The following VPS13B variants were observed in gnomAD, a reference collection of about 807,000 sequenced individuals.
VPS13B encodes the protein intermembrane lipid transfer protein VPS13B.
In VPS13B, 285 loss-of-function variants were observed where a neutral mutation model predicts 426.4. The observed-to-expected ratio is 0.67, with a 90% CI of 0.61 to 0.74. VPS13B has a LOEUF of 0.74. Among genes scored for constraint, VPS13B ranks in the 30% least tolerant of loss-of-function variants. The pLI is 0.00. For missense variants in VPS13B, 4,537 were observed against 4,782.6 expected (o/e 0.95, Z 1.51); for synonymous variants, 1,676 against 1,676.4 (o/e 1.00, Z 0.01).
At chr8:99,065,589 C>T (rs1014134704) in intron 3 of VPS13B, among the ~76,000 whole-genome samples, 38 of 152,196 alleles carry the variant, frequency 2.5e-4, no homozygotes, top group African/African-American at 7.5e-4. Context: ...CTTTGAAAAC[C>T]GGCACAACAC....
intron 7 of VPS13B, among the ~76,000 whole-genome samples, chr8:99,119,809 TATAG>T (rs1186040635): frequency 2.0e-5 from 3 of 152,136 alleles, no homozygotes; most frequent in Non-Finnish European, 2.9e-5. Flanking sequence ...TATGTGTATT[TATAG>T]ATTTATCAAT....
intron 39 of VPS13B, among the ~76,000 whole-genome samples, chr8:99,734,672 T>C (rs1833747855): frequency 6.6e-6 from 1 of 152,128 alleles, no homozygotes; most frequent in African/African-American, 2.4e-5. Flanking sequence ...CCATGACCAA[T>C]TACAGAGGAA....
chr8:99,400,543 C>T (rs1269989374), intron 21 of VPS13B, among the ~76,000 whole-genome samples: 1 of 152,162 alleles, frequency 6.6e-6, no homozygotes, highest in African/African-American at 2.4e-5. Context: ...ATATGTATCA[C>T]TATTTAATGT....
At chr8:99,515,164 A>G (rs908524870) in intron 29 of VPS13B, among the ~76,000 whole-genome samples, 4 of 152,256 alleles carry the variant, frequency 2.6e-5, no homozygotes, top group Non-Finnish European at 4.4e-5. Context: ...GAAGAGGAAA[A>G]AAAAGAACAA....
At chr8:99,254,576 A>T (rs573274288) in intron 17 of VPS13B, among the ~76,000 whole-genome samples, 5 of 151,794 alleles carry the variant, frequency 3.3e-5, no homozygotes, top group African/African-American at 1.2e-4. Flanking sequence ...TTTGTCAAAT[A>T]TGGGAAGTTA....
At chr8:99,338,981 T>C (rs995963873) in intron 19 of VPS13B, among the ~76,000 whole-genome samples, 1 of 152,216 alleles carries the variant, frequency 6.6e-6, no homozygotes, top group African/African-American at 2.4e-5. Flanking sequence ...AATTTTTTAA[T>C]TTCCTCATGA....
chr8:99,392,495 C>T (rs527266576), intron 21 of VPS13B, among the ~76,000 whole-genome samples: 48 of 151,942 alleles, frequency 3.2e-4, no homozygotes, highest in African/African-American at 1.2e-3. Context: ...CAGATATTCC[C>T]AACCACATTG....
At chr8:99,064,597 A>G (rs1169277371) in intron 3 of VPS13B, among the ~76,000 whole-genome samples, 3 of 152,376 alleles carry the variant, frequency 2.0e-5, no homozygotes, top group Non-Finnish European at 2.9e-5. Flanking sequence ...TTCATGAAAT[A>G]TGGGACTATG....
intron 43 of VPS13B, among the ~76,000 whole-genome samples, chr8:99,798,067 T>C (rs1812942302): frequency 6.6e-6 from 1 of 152,088 alleles, no homozygotes; most frequent in Non-Finnish European, 1.5e-5. Context: ...TTAAGATAGC[T>C]AAAATCAACA....
chr8:99,530,372 T>C (rs1304457396), intron 30 of VPS13B, among the ~76,000 whole-genome samples: 1 of 152,104 alleles, frequency 6.6e-6, no homozygotes, highest in Non-Finnish European at 1.5e-5. Context: ...CCCAGCACTT[T>C]GGGAGGCCAA....
intron 17 of VPS13B, among the ~76,000 whole-genome samples, chr8:99,263,847 G>A (rs1462825646): frequency 6.6e-6 from 1 of 152,070 alleles, no homozygotes; most frequent in Admixed American, 6.6e-5. Context: ...CCATTATTCT[G>A]TCTGTCATAG....
At chr8:99,655,448 T>G (rs1453710451) in intron 34 of VPS13B, among the ~76,000 whole-genome samples, 1 of 152,228 alleles carries the variant, frequency 6.6e-6, no homozygotes, top group Non-Finnish European at 1.5e-5. Context: ...GTCCATAAAC[T>G]GCTGTTGTGT....
At chr8:99,603,986 CAAA>C (rs1054201912) in intron 33 of VPS13B, among the ~76,000 whole-genome samples, 8 of 152,060 alleles carry the variant, frequency 5.3e-5, no homozygotes, top group Non-Finnish European at 8.8e-5. Flanking sequence ...AAAATACTTA[CAAA>C]TAATGGTGAA....
Position 99,134,571 on chromosome 8 carries a change from A to G in VPS13B, c.1207-61A>G, listed in dbSNP as rs1809972268. ...TTGTTTTAATCAATTAATCATCATA[A>G]TGACAATTTATTGCTCTTTAATACT... On this transcript the variant is annotated intron_variant, in intron 8 of 61. Transcript: ENST00000357162. 5.5e-5 allele frequency: 72 copies of G among 1,316,900 alleles called. No individual in the cohort carries two copies. In the South Asian group the frequency reaches 8.7e-4, roughly 16 times the overall value. 81.6% of individuals were successfully genotyped at this position (1,316,900 alleles called of 1,614,324 possible). A position where few individuals can be genotyped will look rare whatever the true frequency, so the allele number is the denominator to read the frequency against.
intron 36 of VPS13B, among the ~76,000 whole-genome samples, chr8:99,709,374 A>G (rs1832622195): frequency 6.6e-6 from 1 of 152,206 alleles, no homozygotes; most frequent in African/African-American, 2.4e-5. Flanking sequence ...GGCTGGCAGC[A>G]CTTTGTAAAC....
rs1449035666 is a variant in VPS13B, at chr8:99,119,275, CTG to C, written c.938-1900_938-1899del. ...ATTTATTTATTGACATAGTCTCACT[CTG>C]TTGCCTAGGCTGGAGTATGATGGCA... On this transcript the variant is annotated intron_variant, in intron 7 of 61. Transcript: ENST00000357162. 3 of 152,254 alleles carry C rather than the reference CTG, an allele frequency of 2.0e-5. No individual in the cohort carries two copies. In the East Asian group the frequency reaches 5.8e-4, roughly 29 times the overall value. 9.4% of individuals were successfully genotyped at this position (152,254 alleles called of 1,614,324 possible).
At chr8:99,045,632 C>G (rs537764436) in intron 3 of VPS13B, among the ~76,000 whole-genome samples, 1 of 152,290 alleles carries the variant, frequency 6.6e-6, no homozygotes, top group East Asian at 1.9e-4. Flanking sequence ...AAGCCAATGT[C>G]TAGAGGGCTT....
intron 5 of VPS13B, among the ~76,000 whole-genome samples, chr8:99,108,208 TGGTGG>T (rs1847152774): frequency 6.6e-6 from 1 of 152,234 alleles, no homozygotes; most frequent in Non-Finnish European, 1.5e-5. Context: ...TAGTATTCGA[TGGTGG>T]ATACGTCTTG....
intron 56 of VPS13B, among the ~76,000 whole-genome samples, chr8:99,858,507 G>A (rs1816667863): frequency 6.6e-6 from 1 of 152,162 alleles, no homozygotes; most frequent in African/African-American, 2.4e-5. Flanking sequence ...CCTACATGGT[G>A]AATCCCCATC....
Sources: gnomAD v4.1 joint callset for allele counts (sites outside exome capture counted in the v4.1 genomes callset) on GRCh38, gnomAD v4.1.1 for gene constraint, MANE v1.5 for transcripts, NCBI Gene and HGNC (gene_info 2026-07-23, HGNC 2026-07-21) for gene names.